Variants in CDC37L1 observed in about 807,000 individuals in gnomAD.
CDC37L1 encodes hsp90 co-chaperone Cdc37-like 1.
Under a neutral mutation model 45.9 loss-of-function variants are expected in CDC37L1, and 32 were observed. The ratio of observed to expected loss-of-function variants is 0.70; its 90% CI spans 0.53 to 0.94. The LOEUF is 0.94. Ranked by LOEUF, CDC37L1 falls within the 40% of genes least tolerant of loss-of-function variation. CDC37L1 has a pLI of 0.00. For missense variants in CDC37L1, 434 were observed against 405.7 expected (o/e 1.07, Z -0.60); for synonymous variants, 150 against 133.0 (o/e 1.13, Z -0.88).
rs1382627193 is a variant in CDC37L1 at position 4,697,871 on chromosome 9, A to G, written c.739A>G (p.Lys247Glu). The G allele has an allele frequency of 6.2e-7, 1 of 1,613,444 alleles. No homozygotes were observed. Among genetic ancestry groups the G allele is most frequent in the East Asian group, 2.2e-5 (1 of 44,806 alleles). The change falls in exon 5 of 7, where the codon AAA (lysine) becomes GAA (glutamate). Residue 247 changes from lysine (K) to glutamate (E), a missense_variant. Coordinates refer to ENST00000381854, the MANE Select transcript of CDC37L1 (RefSeq NM_017913.4). ...AGGGTGTTTTCGTTTATTTTTCCAG[A>G]AAGCCAAAGTAAGTAGTTATTTGAT... Reference protein sequence around the residue: ...PRGCFRLFFQKAKAEEEGYFE... With the variant: ...PRGCFRLFFQEAKAEEEGYFE...
At chr9:4,700,830 T>G (rs1841389630) in intron 5 of CDC37L1, among the ~76,000 whole-genome samples, 1 of 152,202 alleles carries the variant, frequency 6.6e-6, no homozygotes, top group Non-Finnish European at 1.5e-5. Context: ...CACAAATTAC[T>G]TAATAATACA....
chr9:4,702,888 CAAAAAAAA>C (rs397829063), intron 6 of CDC37L1, among the ~76,000 whole-genome samples: 1 of 42,962 alleles, frequency 2.3e-5, no homozygotes, highest in African/African-American at 7.7e-5. Context: ...GACTCCGTCT[CAAAAAAAA>C]AAAAAAAAAA....
intron 3 of CDC37L1, among the ~76,000 whole-genome samples, chr9:4,690,185 G>A (rs995914438): frequency 2.0e-5 from 3 of 152,194 alleles, no homozygotes; most frequent in Non-Finnish European, 4.4e-5. Flanking sequence ...TTCTTTTGCT[G>A]TAAAATGAGT....
At chr9:4,680,241 C>G (rs1023995236) in intron 1 of CDC37L1, among the ~76,000 whole-genome samples, 1 of 152,206 alleles carries the variant, frequency 6.6e-6, no homozygotes, top group African/African-American at 2.4e-5. Context: ...CCTTTGTCCT[C>G]TTGTGAGAGG....
chr9:4,688,379 T>G (rs1587617335), intron 2 of CDC37L1, 134 bp from the exon 3 acceptor site: 1 of 430,348 alleles, frequency 2.3e-6, no homozygotes, highest in East Asian at 4.2e-5. Flanking sequence ...CAGATGAATT[T>G]AATCATGTAA....
Position 4,704,955 on chromosome 9 carries a change from G to C in CDC37L1, c.913-1056G>C, listed in dbSNP as rs560596246. Reference sequence around the variant, plus strand: ...GGCAGGATTAAAACTGAAGCCCAGTGTGAGTGTCCCAGACCTCAGTCAGTT... The same window carrying C: ...GGCAGGATTAAAACTGAAGCCCAGTCTGAGTGTCCCAGACCTCAGTCAGTT... On this transcript the variant is annotated intron_variant, in intron 6 of 6. Coordinates refer to ENST00000381854, the MANE Select transcript of CDC37L1 (RefSeq NM_017913.4). 5.3e-5 allele frequency among the ~76,000 whole-genome samples: 8 copies of C among 152,272 alleles called. No individual in the cohort carries two copies. The East Asian group carries it at 1.5e-3, about 29-fold the overall frequency.
Position 4,708,239 on chromosome 9 carries a change from G to T in CDC37L1, c.*2127G>T, listed in dbSNP as rs570231907. 2.0e-5 allele frequency: 3 copies of T among 152,224 alleles called. No individual in the cohort carries two copies. The East Asian group carries it at 5.8e-4, about 29-fold the overall frequency. 9.4% of individuals were successfully genotyped at this position (152,224 alleles called of 1,614,324 possible). Reference sequence around the variant, plus strand: ...AGAAATAAAGAGTATATTAAGCAAAGGGATAATTTATATTTCAGGTTGGAC... The same window carrying T: ...AGAAATAAAGAGTATATTAAGCAAATGGATAATTTATATTTCAGGTTGGAC... On this transcript the variant is annotated 3_prime_UTR_variant, in exon 7 of 7. Coordinates refer to ENST00000381854, the MANE Select transcript of CDC37L1 (RefSeq NM_017913.4).
At chr9:4,683,063 A>T (rs1034640381) in intron 1 of CDC37L1, among the ~76,000 whole-genome samples, 12 of 143,724 alleles carry the variant, frequency 8.3e-5, no homozygotes, top group African/African-American at 2.3e-4. Context: ...AATATATTTT[A>T]AAATATACTT....
At chr9:4,694,665 G>T (rs1024984064) in intron 3 of CDC37L1, among the ~76,000 whole-genome samples, 1 of 152,090 alleles carries the variant, frequency 6.6e-6, no homozygotes, top group Non-Finnish European at 1.5e-5. Flanking sequence ...GAGGTTAGGA[G>T]TTCGAGACCA....
rs576136549 is a variant in CDC37L1, at chr9:4,686,386, C to T, written c.414+1228C>T. Among the ~76,000 whole-genome samples, 3 of 152,184 alleles carry T rather than the reference C, an allele frequency of 2.0e-5. No individual in the cohort carries two copies. The South Asian group carries it at 6.2e-4, about 32-fold the overall frequency. On this transcript the variant is annotated intron_variant, in intron 2 of 6. Transcript: ENST00000381854. ...ATTTATATATACTTTTTCTCCCCCT[C>T]CACAATGGGATCATTCTTTATCTGA...
intron 1 of CDC37L1, among the ~76,000 whole-genome samples, chr9:4,682,159 CTCTTT>C (rs1841200441): frequency 1.0e-4 from 5 of 48,466 alleles, no homozygotes; most frequent in Admixed American, 1.8e-4. Context: ...ATTATCCTTT[CTCTTT>C]TTTTTTTTTT....
At chr9:4,680,911 A>G (rs1841186544) in intron 1 of CDC37L1, among the ~76,000 whole-genome samples, 1 of 152,232 alleles carries the variant, frequency 6.6e-6, no homozygotes, top group Non-Finnish European at 1.5e-5. Context: ...TCTTATGTCC[A>G]GCTAACAGGG....
At chr9:4,697,505 C>A (rs566240863) in intron 4 of CDC37L1, among the ~76,000 whole-genome samples, 5 of 151,826 alleles carry the variant, frequency 3.3e-5, no homozygotes, top group African/African-American at 1.2e-4. Context: ...ATTTGAAAGT[C>A]GTATTTTAAA....
At chr9:4,697,524 C>T (rs1037193901) in intron 4 of CDC37L1, among the ~76,000 whole-genome samples, 5 of 151,730 alleles carry the variant, frequency 3.3e-5, no homozygotes, top group East Asian at 1.9e-4. Flanking sequence ...AAAATCCAGA[C>T]GGTAATCATG....
chr9:4,686,849 TG>T, intron 2 of CDC37L1, among the ~76,000 whole-genome samples: 1 of 152,330 alleles, frequency 6.6e-6, no homozygotes, highest in Middle Eastern at 3.4e-3. Context: ...TGAGATGTGC[TG>T]TAAGTGTAAA....
At position 4,684,996 on chromosome 9, in the gene CDC37L1, T is replaced by C. The variant is rs1198322103; in HGVS notation, c.252T>C (p.His84=). The C allele has an allele frequency of 1.9e-6, 3 of 1,614,046 alleles. No individual in the cohort carries two copies. In the South Asian group the frequency reaches 3.3e-5, roughly 18 times the overall value. Residue 84 remains histidine (H), a synonymous_variant, in exon 2 of 7, where the codon CAT becomes CAC. Transcript: ENST00000381854. ...AQQKLGSLAL[H]NSESLDQEHA... ...AGAAACTTGGTAGCTTAGCACTGCA[T>C]AATTCTGAGTCCTTGGATCAGGAGC...
chr9:4,693,531 G>T (rs142047333), intron 3 of CDC37L1, among the ~76,000 whole-genome samples: 48 of 152,204 alleles, frequency 3.2e-4, no homozygotes, highest in Non-Finnish European at 6.2e-4. Flanking sequence ...AAGGAAGGAC[G>T]TGTATTTCAG....
chr9:4,703,356 GAAA>G (rs113364976), intron 6 of CDC37L1: 585 of 180,646 alleles, frequency 3.2e-3, no homozygotes, highest in East Asian at 4.1e-3. Flanking sequence ...TACTCTGGCT[GAAA>G]AAAAAAAAAA....
In CDC37L1 at chr9:4,679,741, CG is replaced by C. The variant is rs780273134; in HGVS notation, c.-25del. 6.9e-6 allele frequency: 11 copies of C among 1,599,096 alleles called. No individual in the cohort carries two copies. The highest frequency in any genetic ancestry group is 9.4e-6 in the Non-Finnish European group (11 of 1,171,274). Reference sequence around the variant, plus strand: ...GCAGTGGCAGTTGTAGGGCCAAGGGCGGTTGTAGGACCCGGAGCAGCCGGAC... The same window carrying C: ...GCAGTGGCAGTTGTAGGGCCAAGGGCGTTGTAGGACCCGGAGCAGCCGGAC... On this transcript the variant is annotated 5_prime_UTR_variant, in exon 1 of 7. Coordinates refer to ENST00000381854, the MANE Select transcript of CDC37L1 (RefSeq NM_017913.4).
Sources: allele counts gnomAD v4.1 joint callset (sites outside exome capture counted in the v4.1 genomes callset), GRCh38; gene constraint gnomAD v4.1.1; transcripts MANE v1.5; gene names NCBI Gene and HGNC (gene_info 2026-07-23, HGNC 2026-07-21).